Variants in NAALADL2 observed in about 807,000 individuals in gnomAD.
The protein encoded by NAALADL2 is inactive N-acetylated-alpha-linked acidic dipeptidase-like protein 2.
Under a neutral mutation model 87.2 loss-of-function variants are expected in NAALADL2, and 76 were observed. That is an observed-to-expected ratio of 0.87 (90% CI 0.72 to 1.05). The LOEUF (loss-of-function observed/expected upper bound fraction) is 1.05, where lower values mean the gene tolerates loss of function less well. NAALADL2 is among the 50% of genes least tolerant of loss of function. The probability of loss-of-function intolerance (pLI) is 0.00; values close to 1 mark genes in which losing one functional copy is unlikely to be tolerated. For missense variants in NAALADL2, 1,089 were observed against 945.8 expected, an observed-to-expected ratio of 1.15 and a Z score of -1.99; for synonymous variants, 354 against 331.0, an observed-to-expected ratio of 1.07 and a Z score of -0.75.
intron 5 of NAALADL2, among the ~76,000 whole-genome samples, chr3:175,389,369 C>A (rs906323039): frequency 2.0e-5 from 3 of 152,204 alleles, no homozygotes; most frequent in African/African-American, 4.8e-5. Context: ...ACTCTACCTT[C>A]ATCCACATTC....
At chr3:174,777,731 G>A (rs1715387403) in intron 3 of NAALADL2, among the ~76,000 whole-genome samples, 1 of 152,058 alleles carries the variant, frequency 6.6e-6, no homozygotes, top group Non-Finnish European at 1.5e-5. Context: ...ATAGCCAACA[G>A]ATATCTCAAT....
intron 3 of NAALADL2, among the ~76,000 whole-genome samples, chr3:174,748,605 GTTA>G (rs756200423): frequency 3.3e-5 from 5 of 152,120 alleles, no homozygotes; most frequent in Non-Finnish European, 5.9e-5. Context: ...GCAAAGTCCA[GTTA>G]TTATTTGGAA....
chr3:175,697,400 GACACACACACACACACAC>G (rs57471272), intron 11 of NAALADL2, among the ~76,000 whole-genome samples: 1 of 145,238 alleles, frequency 6.9e-6, no homozygotes, highest in Non-Finnish European at 1.5e-5. Context: ...GCTGCACACA[GACACACACACACACACAC>G]ACACACACAC....
intron 11 of NAALADL2, among the ~76,000 whole-genome samples, chr3:175,704,995 C>G (rs956139172): frequency 2.0e-5 from 3 of 152,140 alleles, no homozygotes; most frequent in Non-Finnish European, 4.4e-5. Flanking sequence ...AATATTTGCC[C>G]CTACATTTGA....
At chr3:174,879,533 A>G (rs1728925216) in intron 1 of NAALADL2, among the ~76,000 whole-genome samples, 1 of 152,106 alleles carries the variant, frequency 6.6e-6, no homozygotes, top group Non-Finnish European at 1.5e-5. Flanking sequence ...TGAAATGTAA[A>G]TTAATTTTCT....
chr3:175,094,757 A>AGTGTGTTT, intron 1 of NAALADL2, among the ~76,000 whole-genome samples: 1 of 126,066 alleles, frequency 7.9e-6, no homozygotes, highest in African/African-American at 2.7e-5. Flanking sequence ...CAGACACTAT[A>AGTGTGTTT]GTGTGTGTGT....
chr3:175,274,115 C>G (rs1377572211), intron 4 of NAALADL2, among the ~76,000 whole-genome samples: 1 of 152,054 alleles, frequency 6.6e-6, no homozygotes, highest in Non-Finnish European at 1.5e-5. Flanking sequence ...ACTCACTGTT[C>G]CACGTGGCTG....
chr3:175,217,361 T>G (rs1247347229), intron 2 of NAALADL2, among the ~76,000 whole-genome samples: 1 of 152,156 alleles, frequency 6.6e-6, no homozygotes, highest in Admixed American at 6.5e-5. Context: ...TCCAAAAATA[T>G]CAGGCAAAAG....
At chr3:174,533,435 A>G (rs1721429456) in intron 1 of NAALADL2, among the ~76,000 whole-genome samples, 1 of 152,146 alleles carries the variant, frequency 6.6e-6, no homozygotes, top group African/African-American at 2.4e-5. Context: ...ATTGGCTCTC[A>G]AAAGCTACAG....
chr3:175,590,337 A>AT (rs1721242813), intron 10 of NAALADL2, among the ~76,000 whole-genome samples: 3 of 143,938 alleles, frequency 2.1e-5, no homozygotes, highest in Non-Finnish European at 4.6e-5. Context: ...TGACCTGTTG[A>AT]ATTTTTTTTT....
chr3:174,831,825 G>C (rs370383626), intron 3 of NAALADL2, among the ~76,000 whole-genome samples: 23,032 of 148,568 alleles, frequency 0.16, 1,899 homozygotes, highest in African/African-American at 0.25. Context: ...CTTCTTCCTG[G>C]TTTAGTCTTG....
At chr3:174,526,444 A>T (rs2108428727) in intron 1 of NAALADL2, among the ~76,000 whole-genome samples, 1 of 152,336 alleles carries the variant, frequency 6.6e-6, no homozygotes, top group Non-Finnish European at 1.5e-5. Context: ...CCTACATTAT[A>T]AAGAATTGCT....
At chr3:175,132,657 G>T (rs1277400568) in intron 2 of NAALADL2, among the ~76,000 whole-genome samples, 3 of 124,112 alleles carry the variant, frequency 2.4e-5, no homozygotes, top group Admixed American at 7.6e-5. Flanking sequence ...CCGGGCGGGG[G>T]GCTGACCCCT....
At chr3:174,686,862 A>G (rs1307750109) in intron 2 of NAALADL2, among the ~76,000 whole-genome samples, 2 of 152,120 alleles carry the variant, frequency 1.3e-5, no homozygotes, top group Non-Finnish European at 2.9e-5. Flanking sequence ...AAACAACCTA[A>G]GCGGTACCAC....
At chr3:175,636,114 T>C (rs1261693061) in intron 11 of NAALADL2, among the ~76,000 whole-genome samples, 2 of 152,042 alleles carry the variant, frequency 1.3e-5, no homozygotes, top group East Asian at 3.9e-4. Context: ...TACACACATA[T>C]ATGATATGGG....
Position 175,627,350 on chromosome 3 carries a change from G to A in NAALADL2, c.1860G>A (p.Met620Ile). The A allele has an allele frequency of 6.4e-7, 1 of 1,571,738 alleles. No homozygotes were observed. Among genetic ancestry groups the A allele is most frequent in the Non-Finnish European group, 8.7e-7 (1 of 1,156,016 alleles). ...CACGAGCAACAAAAATTGAAGAAAT[G>A]GATCCCTCTTTCAACCTTCATGAAA... ...FSTRATKIEE[M>I]DPSFNLHETI... The change falls in exon 11 of 14, where the codon ATG (methionine) becomes ATA (isoleucine). Residue 620 changes from methionine (M) to isoleucine (I), a missense_variant. Coordinates refer to ENST00000454872, the MANE Select transcript of NAALADL2 (RefSeq NM_207015.3).
chr3:175,162,269 A>G (rs1443682528), intron 2 of NAALADL2, among the ~76,000 whole-genome samples: 1 of 152,058 alleles, frequency 6.6e-6, no homozygotes, highest in Non-Finnish European at 1.5e-5. Context: ...GAGAACCCAC[A>G]TTTTATTTAT....
intron 13 of NAALADL2, among the ~76,000 whole-genome samples, chr3:175,769,198 A>G (rs1025341594): frequency 6.6e-6 from 1 of 152,252 alleles, no homozygotes; most frequent in Non-Finnish European, 1.5e-5. Flanking sequence ...GCAAGTACGC[A>G]GTGTCTACCA....
intron 3 of NAALADL2, among the ~76,000 whole-genome samples, chr3:174,769,486 T>C (rs950737147): frequency 4.6e-5 from 7 of 151,892 alleles, no homozygotes; most frequent in African/African-American, 1.7e-4. Flanking sequence ...GTAATCTTTT[T>C]TCCTTACTAT....
Sources: allele counts gnomAD v4.1 joint callset (sites outside exome capture counted in the v4.1 genomes callset), GRCh38; gene constraint gnomAD v4.1.1; transcripts MANE v1.5; gene names NCBI Gene and HGNC (gene_info 2026-07-23, HGNC 2026-07-21).